The following ACVR2A variants were observed in gnomAD, a reference collection of about 807,000 sequenced individuals.
ACVR2A encodes activin A receptor type 2A, also known as activin receptor type-2A.
ACVR2A carries 7 observed loss-of-function variants against 61.4 expected under a neutral mutation model. That is an observed-to-expected ratio of 0.11 (90% CI 0.06 to 0.21). ACVR2A has a LOEUF of 0.21. Among genes scored for constraint, ACVR2A ranks in the 10% least tolerant of loss-of-function variants. ACVR2A has a pLI of 1.00. For synonymous variants in ACVR2A, 193 were observed against 208.3 expected, an observed-to-expected ratio of 0.93 and a Z score of 0.63; for missense variants, 322 against 621.7, an observed-to-expected ratio of 0.52 and a Z score of 5.13.
In ACVR2A at chr2:147,930,760, T is replaced by C. The variant is rs530754435; in HGVS notation, c.*3486T>C. The stretch of plus-strand genomic sequence containing the variant: ...CCTTGGATAAGTGATTGTTAAATAT[T>C]GTACAAATAAAATGTATGCTATCCC... On this transcript the variant is annotated 3_prime_UTR_variant, in exon 11 of 11. Coordinates refer to ENST00000241416, the MANE Select transcript of ACVR2A (RefSeq NM_001616.5). The C allele has an allele frequency of 6.6e-6, 1 of 152,598 alleles. No homozygotes were observed. The highest frequency in any genetic ancestry group is 1.9e-4 in the East Asian group (1 of 5,176). The allele number at this position is 152,598 out of a possible 1,614,324, so 9.5% of individuals were successfully genotyped here. A position where few individuals can be genotyped will look rare whatever the true frequency, so the allele number is the denominator to read the frequency against.
chr2:147,890,341 AGTGTGT>A (rs60514095), intron 1 of ACVR2A, among the ~76,000 whole-genome samples: 8 of 148,944 alleles, frequency 5.4e-5, no homozygotes, highest in South Asian at 4.3e-4. Flanking sequence ...CCATTAGTAT[AGTGTGT>A]GTGTGTGTGT....
intron 1 of ACVR2A, among the ~76,000 whole-genome samples, chr2:147,850,052 G>A (rs185983079): frequency 2.9e-4 from 44 of 152,236 alleles, no homozygotes; most frequent in African/African-American, 9.1e-4. Context: ...TTATAGGTAA[G>A]GTTGGCAACA....
At chr2:147,889,372 A>G (rs1429375847) in intron 1 of ACVR2A, among the ~76,000 whole-genome samples, 1 of 152,006 alleles carries the variant, frequency 6.6e-6, no homozygotes, top group Non-Finnish European at 1.5e-5. Context: ...ATTGGTGTTG[A>G]TATATTAATC....
In ACVR2A at chr2:147,845,099, G is replaced by A; in HGVS notation, c.-54G>A. 1.3e-6 allele frequency: 2 copies of A among 1,499,616 alleles called. No individual in the cohort carries two copies. Among genetic ancestry groups the A allele is most frequent in the Admixed American group, 1.8e-5 (1 of 56,144 alleles). 92.9% of individuals were successfully genotyped at this position (1,499,616 alleles called of 1,614,324 possible). A position where few individuals can be genotyped will look rare whatever the true frequency, so the allele number is the denominator to read the frequency against. On this transcript the variant is annotated 5_prime_UTR_variant, in exon 1 of 11. Coordinates refer to ENST00000241416, the MANE Select transcript of ACVR2A (RefSeq NM_001616.5). ...GAGGTTTGTCTCCGAGGAAGACCCAGGGAACTGGATATCTAGCGAGAACTT... is the reference window on the plus strand; with the variant it reads ...GAGGTTTGTCTCCGAGGAAGACCCAAGGAACTGGATATCTAGCGAGAACTT...
intron 1 of ACVR2A, among the ~76,000 whole-genome samples, chr2:147,850,072 AG>A: frequency 6.6e-6 from 1 of 152,270 alleles, no homozygotes; most frequent in Admixed American, 6.5e-5. Flanking sequence ...ATTTGATACT[AG>A]GGGTCACTGG....
Position 147,927,587 on chromosome 2 carries a change from A to G in ACVR2A, c.*313A>G, listed in dbSNP as rs1687533587. ...GACCTGGCTAATGGAGTGTTTGAAAACTGACATCAGATTTCTTAATGTCTG... is the reference window on the plus strand; with the variant it reads ...GACCTGGCTAATGGAGTGTTTGAAAGCTGACATCAGATTTCTTAATGTCTG... On this transcript the variant is annotated 3_prime_UTR_variant, in exon 11 of 11. Transcript: ENST00000241416. The G allele has an allele frequency of 9.8e-6, 2 of 203,546 alleles. No individual in the cohort carries two copies. The highest frequency in any genetic ancestry group is 4.6e-5 in the African/African-American group (2 of 43,538). 12.6% of individuals were successfully genotyped at this position (203,546 alleles called of 1,614,324 possible).
chr2:147,858,661 T>C (rs1685649451), intron 1 of ACVR2A, among the ~76,000 whole-genome samples: 2 of 152,224 alleles, frequency 1.3e-5, no homozygotes, highest in African/African-American at 2.4e-5. Context: ...TATCAATGAA[T>C]GTTGAATGCT....
intron 1 of ACVR2A, among the ~76,000 whole-genome samples, chr2:147,883,461 G>T (rs760568897): frequency 2.6e-5 from 4 of 152,190 alleles, no homozygotes; most frequent in Non-Finnish European, 4.4e-5. Context: ...AAAGTGCTGG[G>T]ATTACAGGCA....
intron 8 of ACVR2A, among the ~76,000 whole-genome samples, chr2:147,921,801 C>T (rs534383267): frequency 6.6e-6 from 1 of 152,222 alleles, no homozygotes; most frequent in East Asian, 1.9e-4. Context: ...AAATTTCTGA[C>T]TCATTCATGT....
At chr2:147,878,959 A>G (rs1322969699) in intron 1 of ACVR2A, among the ~76,000 whole-genome samples, 2 of 152,140 alleles carry the variant, frequency 1.3e-5, no homozygotes, top group African/African-American at 2.4e-5. Context: ...TAGAAAAATC[A>G]TATAAGCTTA....
intron 4 of ACVR2A, among the ~76,000 whole-genome samples, chr2:147,911,933 C>A (rs537866593): frequency 6.6e-6 from 1 of 151,842 alleles, no homozygotes; most frequent in Admixed American, 6.6e-5. Flanking sequence ...TAACAGGGGT[C>A]GATTTTCTAA....
intron 1 of ACVR2A, among the ~76,000 whole-genome samples, chr2:147,874,294 A>G (rs985855696): frequency 6.6e-6 from 1 of 151,930 alleles, no homozygotes; most frequent in Non-Finnish European, 1.5e-5. Flanking sequence ...AGAAACACCT[A>G]CTTCATAGAA....
intron 1 of ACVR2A, among the ~76,000 whole-genome samples, chr2:147,867,082 A>G (rs1364116566): frequency 6.6e-6 from 1 of 152,206 alleles, no homozygotes; most frequent in African/African-American, 2.4e-5. Flanking sequence ...AAAAAATGTC[A>G]GATCTAATAA....
At chr2:147,925,579 G>A (rs1006239806) in intron 9 of ACVR2A, 3 of 152,446 alleles carry the variant, frequency 2.0e-5, no homozygotes, top group African/African-American at 7.2e-5. Context: ...TGTGGGGCAT[G>A]CAGGGGGTTT....
intron 1 of ACVR2A, among the ~76,000 whole-genome samples, chr2:147,880,412 C>T: frequency 6.6e-6 from 1 of 151,896 alleles, no homozygotes; most frequent in East Asian, 1.9e-4. Context: ...TTTTTATTTT[C>T]TAAAGTCAGT....
In ACVR2A at chr2:147,923,126, T is replaced by C. The variant is rs777966190; in HGVS notation, c.1216+15T>C. On this transcript the variant is annotated intron_variant, in intron 9 of 10. Transcript: ENST00000241416. ...TGCTGCAGATGGTAAGGGAAAAAAATATTTTTAAAAAAGATATATATGCCT... is the reference window on the plus strand; with the variant it reads ...TGCTGCAGATGGTAAGGGAAAAAAACATTTTTAAAAAAGATATATATGCCT... 8 of 1,599,396 alleles carry C rather than the reference T, an allele frequency of 5.0e-6. No homozygotes were observed. In the African/African-American group the frequency reaches 5.4e-5, roughly 11 times the overall value.
At chr2:147,878,872 G>A (rs761349412) in intron 1 of ACVR2A, among the ~76,000 whole-genome samples, 9 of 151,880 alleles carry the variant, frequency 5.9e-5, no homozygotes, top group Non-Finnish European at 1.3e-4. Flanking sequence ...CCATGCCACT[G>A]CACTCCAGCC....
intron 1 of ACVR2A, among the ~76,000 whole-genome samples, chr2:147,847,361 C>T (rs1685336899): frequency 1.3e-5 from 2 of 151,988 alleles, no homozygotes; most frequent in South Asian, 4.1e-4. Flanking sequence ...CAGATGCACT[C>T]TAAAAAAGGA....
chr2:147,913,823 A>G (rs950130022), intron 4 of ACVR2A, among the ~76,000 whole-genome samples: 3 of 6,626 alleles, frequency 4.5e-4, no homozygotes, highest in African/African-American at 4.3e-4. Context: ...ACTTGTAGAC[A>G]AAAAAAAAAA....
Sources: gnomAD v4.1 joint callset for allele counts (sites outside exome capture counted in the v4.1 genomes callset) on GRCh38, gnomAD v4.1.1 for gene constraint, MANE v1.5 for transcripts, NCBI Gene and HGNC (gene_info 2026-07-23, HGNC 2026-07-21) for gene names.